HECW1: variants seen among roughly 807,000 people sequenced by gnomAD.
The protein encoded by HECW1 is HECT, C2 and WW domain containing E3 ubiquitin protein ligase 1, also known as E3 ubiquitin-protein ligase HECW1.
A neutral mutation model predicts 182.3 loss-of-function variants in HECW1; 61 were observed. The ratio of observed to expected loss-of-function variants is 0.33; its 90% confidence interval spans 0.27 to 0.41. HECW1 has a LOEUF of 0.41. Among genes scored for constraint, HECW1 ranks in the 10% least tolerant of loss-of-function variants. The pLI is 1.00. For synonymous variants in HECW1, 859 were observed against 832.6 expected (o/e 1.03, Z -0.55); for missense variants, 1,739 against 2,108.9 (o/e 0.82, Z 3.44).
chr7:43,517,497 T>C (rs575491912), intron 24 of HECW1, among the ~76,000 whole-genome samples: 2 of 152,150 alleles, frequency 1.3e-5, no homozygotes, highest in South Asian at 2.1e-4. Flanking sequence ...TAAGTGGGTA[T>C]TAAGTGTAAT....
chr7:43,116,067 T>G (rs1785021937), intron 2 of HECW1, among the ~76,000 whole-genome samples: 2 of 152,164 alleles, frequency 1.3e-5, no homozygotes, highest in African/African-American at 4.8e-5. Flanking sequence ...TAGGTAGGAA[T>G]CCTTCACTTT....
intron 2 of HECW1, among the ~76,000 whole-genome samples, chr7:43,203,184 A>C (rs748650572): frequency 3.3e-5 from 5 of 152,084 alleles, no homozygotes; most frequent in Non-Finnish European, 7.4e-5. Flanking sequence ...CTTGCCTTTT[A>C]TACTTATTAT....
At position 43,480,696 on chromosome 7, in the gene HECW1, T is replaced by TACAC. The variant is rs202003443; in HGVS notation, c.3234+964_3234+967dup. 3.0e-3 allele frequency among the ~76,000 whole-genome samples: 403 copies of TACAC among 135,388 alleles called. 7 individuals are homozygous for TACAC. In the East Asian group the frequency reaches 0.032, roughly 11 times the overall value. 88.8% of individuals were successfully genotyped at this position (135,388 alleles called of 152,430 possible). On this transcript the variant is annotated intron_variant, in intron 17 of 29. Coordinates refer to ENST00000395891, the MANE Select transcript of HECW1 (RefSeq NM_015052.5). ...ACACATATATACGCATATATATATA[T>TACAC]ACACACACACACACATATATACGCA...
intron 2 of HECW1, among the ~76,000 whole-genome samples, chr7:43,157,497 G>C (rs1403762096): frequency 6.6e-6 from 1 of 152,158 alleles, no homozygotes; most frequent in African/African-American, 2.4e-5. Flanking sequence ...AAATTACTGT[G>C]TGAAATTATG....
At chr7:43,523,366 GGCTTTGTGGGGCC>G (rs2080602809) in intron 24 of HECW1, among the ~76,000 whole-genome samples, 1 of 152,198 alleles carries the variant, frequency 6.6e-6, no homozygotes, top group Non-Finnish European at 1.5e-5. Flanking sequence ...CTAGGAGCTT[GGCTTTGTGGGGCC>G]GCTAGAAGGA....
chr7:43,368,008 T>C (rs1377506450), intron 6 of HECW1, among the ~76,000 whole-genome samples: 1 of 152,218 alleles, frequency 6.6e-6, no homozygotes, highest in African/African-American at 2.4e-5. Context: ...CATGGAGGTC[T>C]GCTCAGAACA....
chr7:43,305,095 G>T (rs932507429), intron 3 of HECW1, among the ~76,000 whole-genome samples: 1 of 152,162 alleles, frequency 6.6e-6, no homozygotes, highest in African/African-American at 2.4e-5. Context: ...GTAGACTTTG[G>T]AATGTGGTCG....
intron 2 of HECW1, among the ~76,000 whole-genome samples, chr7:43,201,637 C>T (rs77785784): frequency 2.9e-3 from 445 of 152,292 alleles, no homozygotes; most frequent in African/African-American, 0.01. Flanking sequence ...ATTCCACTTT[C>T]CAAGTCTTTT....
intron 2 of HECW1, among the ~76,000 whole-genome samples, chr7:43,155,285 C>T (rs1486889157): frequency 6.6e-6 from 1 of 152,038 alleles, no homozygotes; most frequent in Non-Finnish European, 1.5e-5. Context: ...AAAATGTCCT[C>T]AAAGAAATAC....
chr7:43,150,968 T>C (rs1583704091), intron 2 of HECW1: 1 of 154,738 alleles, frequency 6.5e-6, no homozygotes, highest in Non-Finnish European at 1.5e-5. Flanking sequence ...AAGTGGGGGG[T>C]GGGCCACGGC....
At chr7:43,133,235 A>G (rs187002598) in intron 2 of HECW1, among the ~76,000 whole-genome samples, 231 of 151,926 alleles carry the variant, frequency 1.5e-3, no homozygotes, top group Middle Eastern at 3.4e-3. Context: ...ATACTTACAT[A>G]TGAAATATAT....
At chr7:43,240,405 G>A (rs763729158) in intron 2 of HECW1, among the ~76,000 whole-genome samples, 9 of 152,160 alleles carry the variant, frequency 5.9e-5, no homozygotes, top group Admixed American at 2.0e-4. Context: ...TTCCACCCAT[G>A]AATGATCTTG....
At chr7:43,537,899 T>C (rs999065444) in intron 24 of HECW1, among the ~76,000 whole-genome samples, 1 of 152,224 alleles carries the variant, frequency 6.6e-6, no homozygotes, top group African/African-American at 2.4e-5. Flanking sequence ...AAAGCAAATA[T>C]ACAATTCTCT....
intron 3 of HECW1, among the ~76,000 whole-genome samples, chr7:43,301,874 CAAA>C (rs202061205): frequency 6.7e-5 from 8 of 119,002 alleles, no homozygotes; most frequent in Admixed American, 3.4e-4. Context: ...GAAACTCTGT[CAAA>C]AAAAAAAAAA....
At chr7:43,335,485 A>G (rs1232293812) in intron 5 of HECW1, among the ~76,000 whole-genome samples, 1 of 152,230 alleles carries the variant, frequency 6.6e-6, no homozygotes. Flanking sequence ...GCAAGAAGGC[A>G]GCCATCTGCA....
intron 5 of HECW1, among the ~76,000 whole-genome samples, chr7:43,352,569 A>G (rs893397373): frequency 6.6e-5 from 10 of 152,198 alleles, no homozygotes; most frequent in African/African-American, 2.4e-4. Flanking sequence ...ATGTTTGCTT[A>G]AATCCTAGGT....
At chr7:43,528,884 C>T (rs1442489227) in intron 24 of HECW1, among the ~76,000 whole-genome samples, 1 of 152,198 alleles carries the variant, frequency 6.6e-6, no homozygotes. Context: ...AAAATCATTT[C>T]CACATAAAGG....
At chr7:43,308,268 T>G (rs369770078) in intron 3 of HECW1, among the ~76,000 whole-genome samples, 1 of 102,436 alleles carries the variant, frequency 9.8e-6, no homozygotes, top group African/African-American at 3.7e-5. Context: ...TATGATATAT[T>G]TATATATTAT....
chr7:43,306,660 T>C (rs1481695237), intron 3 of HECW1, among the ~76,000 whole-genome samples: 1 of 152,234 alleles, frequency 6.6e-6, no homozygotes. Flanking sequence ...GACATGCCTT[T>C]GTCTGCTTTC....
Sources: allele counts gnomAD v4.1 joint callset (sites outside exome capture counted in the v4.1 genomes callset), GRCh38; gene constraint gnomAD v4.1.1; transcripts MANE v1.5; gene names NCBI Gene and HGNC (gene_info 2026-07-23, HGNC 2026-07-21).